DHX33: variants seen among roughly 807,000 people sequenced by gnomAD.
DHX33 encodes the protein DEAH-box helicase 33.
DHX33 carries 42 observed loss-of-function variants against 72.5 expected under a neutral mutation model. That is an observed-to-expected ratio of 0.58 (90% CI 0.45 to 0.75). The LOEUF (loss-of-function observed/expected upper bound fraction) is 0.75, where lower values mean the gene tolerates loss of function less well. Among genes scored for constraint, DHX33 ranks in the 30% least tolerant of loss-of-function variants. The probability of loss-of-function intolerance (pLI) is 0.00; values close to 1 mark genes in which losing one functional copy is unlikely to be tolerated. For synonymous variants in DHX33, 358 were observed against 366.1 expected (o/e 0.98, Z 0.25); for missense variants, 842 against 917.5 (o/e 0.92, Z 1.06).
intron 1 of DHX33, among the ~76,000 whole-genome samples, 173 bp downstream of exon 1, chr17:5,468,398 C>A (rs1376302132): frequency 6.6e-6 from 1 of 152,236 alleles, no homozygotes; most frequent in Non-Finnish European, 1.5e-5. Context: ...CCAGCGCCTC[C>A]AGGGCAGGGC....
chr17:5,455,479 A>G lies in DHX33; in HGVS notation c.1036-208T>C, dbSNP rs561802749. 4.6e-5 allele frequency among the ~76,000 whole-genome samples: 7 copies of G among 152,302 alleles called. 1 individual carries two copies. In the South Asian group the frequency reaches 1.5e-3, roughly 32 times the overall value. ...CAGTCTTAAAGGTCAATTTGAGGCA[A>G]TGAGATGCAGTGGAACAAGCACAGG... On this transcript the variant is annotated intron_variant, in intron 5 of 11. Transcript: ENST00000225296.
At position 5,468,853 on chromosome 17, in the gene DHX33, C is replaced by T. The variant is rs2151694965; in HGVS notation, c.7G>A (p.Glu3Lys). MP[E>K]EAGFPPAKRF... Reference sequence around the variant, plus strand: ...TTGGCCGGCGGGAAGCCCGCCTCCTCCGGCATGTCGGGAGGGCACCGCGGC... The same window carrying T: ...TTGGCCGGCGGGAAGCCCGCCTCCTTCGGCATGTCGGGAGGGCACCGCGGC... Residue 3 changes from glutamate to lysine, a missense_variant, in exon 1 of 12, where the codon GAG becomes AAG. By Grantham distance (56) the Glu-to-Lys change is moderately conservative. Transcript: ENST00000225296. The T allele has an allele frequency of 3.2e-6, 5 of 1,555,478 alleles. No homozygotes were observed. Among genetic ancestry groups the T allele is most frequent in the Non-Finnish European group, 4.3e-6 (5 of 1,150,226 alleles).
In DHX33 at chr17:5,455,143, G is replaced by A; in HGVS notation, c.1147+17C>T. 1.9e-6 allele frequency: 3 copies of A among 1,598,306 alleles called. No individual in the cohort carries two copies. Among genetic ancestry groups the A allele is most frequent in the Non-Finnish European group, 1.7e-6 (2 of 1,165,662 alleles). Reference sequence around the variant, plus strand: ...CACTAGACACAGGAGAGACATTCATGAACTACAAATTCTCACCAGGGTTAT... The same window carrying A: ...CACTAGACACAGGAGAGACATTCATAAACTACAAATTCTCACCAGGGTTAT... On this transcript the variant is annotated intron_variant, in intron 6 of 11. Transcript: ENST00000225296.
At chr17:5,455,879 G>A in intron 5 of DHX33, 118 bp downstream of exon 5, 1 of 1,115,912 alleles carries the variant, frequency 9.0e-7, no homozygotes. Flanking sequence ...CGCTGATCTG[G>A]CACCTGGGTA....
Position 5,462,564 on chromosome 17 carries a change from T to G in DHX33, c.451-18A>C, listed in dbSNP as rs1401826211. The G allele has an allele frequency of 6.3e-7, 1 of 1,593,962 alleles. No homozygotes were observed. The highest frequency in any genetic ancestry group is 8.6e-7 in the Non-Finnish European group (1 of 1,162,878). ...TAGCCAACCTGTGCAGGGAAACAAT[T>G]TATTCAGTCACCAAACATTTCTTGA... On this transcript the variant is annotated intron_variant, in intron 2 of 11. Coordinates refer to ENST00000225296, the MANE Select transcript of DHX33 (RefSeq NM_020162.4).
In DHX33 at chr17:5,461,127, G is replaced by A. The variant is rs1174424937; in HGVS notation, c.679-18C>T. 1 of 1,593,168 alleles carries A rather than the reference G, an allele frequency of 6.3e-7. No homozygotes were observed. On this transcript the variant is annotated intron_variant, in intron 3 of 11. Transcript: ENST00000225296. ...ACAATCACCTGCATAAGAGAACGAA[G>A]AGGAGGACCAGAAACAAATAGTGGG... is the stretch of plus-strand genomic sequence containing the variant.
chr17:5,446,047 C>T (rs1456704409), intron 11 of DHX33, among the ~76,000 whole-genome samples: 3 of 152,136 alleles, frequency 2.0e-5, no homozygotes, highest in Non-Finnish European at 2.9e-5. Context: ...AATCCCAGCT[C>T]GCTGGCAACC....
At chr17:5,462,651 C>T in intron 2 of DHX33, 105 bp from the exon 3 acceptor site, 1 of 746,414 alleles carries the variant, frequency 1.3e-6, no homozygotes, top group Non-Finnish European at 2.3e-6. Context: ...AAGACCAACA[C>T]CAACGCTTCC....
At chr17:5,467,000 T>C (rs1203286549) in intron 1 of DHX33, among the ~76,000 whole-genome samples, 1 of 152,234 alleles carries the variant, frequency 6.6e-6, no homozygotes, top group Non-Finnish European at 1.5e-5. Flanking sequence ...AAAGGTTAAA[T>C]AATTGTTTTG....
chr17:5,460,957 G>T lies in DHX33; in HGVS notation c.831C>A (p.Ser277=). ...ACCATACCTGGTGGATCTGGAAGAC[G>T]GAGACAAGCGCGGCGTGCAGGTAAT... ...QNDYLHAALV[S]VFQIHQEAPS... Residue 277 remains serine (S), a synonymous_variant, in exon 4 of 12, where the codon TCC becomes TCA. Coordinates refer to ENST00000225296, the MANE Select transcript of DHX33 (RefSeq NM_020162.4). 6.2e-7 allele frequency: 1 copy of T among 1,612,956 alleles called. No homozygotes were observed. The highest frequency in any genetic ancestry group is 2.2e-5 in the East Asian group (1 of 44,834).
intron 3 of DHX33, 73 bp downstream of exon 3, chr17:5,462,246 G>A: frequency 6.9e-7 from 1 of 1,453,116 alleles, no homozygotes; most frequent in East Asian, 2.3e-5. Flanking sequence ...AGCCAGGCCT[G>A]TTTCCTTCTG....
rs770284785 is a variant in DHX33, at chr17:5,450,944, CAG to C, written c.1397-12_1397-11del. On this transcript the variant is annotated splice_polypyrimidine_tract_variant and intron_variant, in intron 8 of 11. Coordinates refer to ENST00000225296, the MANE Select transcript of DHX33 (RefSeq NM_020162.4). The stretch of plus-strand genomic sequence containing the variant: ...GCCGCCTGAATGTGATCTAAAGAAA[CAG>C]AGACATAAAAAGGAGCCAAAAGTCC... The C allele has an allele frequency of 8.1e-6, 13 of 1,610,474 alleles. No homozygotes were observed. The highest frequency in any genetic ancestry group is 6.8e-5 in the Admixed American group (4 of 59,052).
chr17:5,455,043 T>A, intron 6 of DHX33, 117 bp downstream of exon 6: 1 of 919,330 alleles, frequency 1.1e-6, no homozygotes, highest in Non-Finnish European at 1.7e-6. Context: ...TCATGGCGCC[T>A]GCCACCTGAA....
chr17:5,468,775 C>G lies in DHX33; in HGVS notation c.85G>C (p.Gly29Arg). The change falls in exon 1 of 12, where the codon GGG becomes CGG. Residue 29 changes from glycine (G) to arginine (R), a missense_variant. Physicochemically the swap from Gly to Arg is moderately radical, Grantham distance 125 (BLOSUM62 -2). Coordinates refer to ENST00000225296, the MANE Select transcript of DHX33 (RefSeq NM_020162.4). ...PPSRAGSFPP[G>R]RQVVMLLTAG... ...GTCAGCAGCATCACCACTTGCCTCCCGGGAGGGAAGGACCCAGCGCGGCTC... is the reference window on the plus strand; with the variant it reads ...GTCAGCAGCATCACCACTTGCCTCCGGGGAGGGAAGGACCCAGCGCGGCTC... 6.2e-7 allele frequency: 1 copy of G among 1,609,112 alleles called. No homozygotes were observed. Among genetic ancestry groups the G allele is most frequent in the Non-Finnish European group, 8.5e-7 (1 of 1,178,080 alleles).
Position 5,450,193 on chromosome 17 carries a change from C to G in DHX33, c.1728+10G>C. On this transcript the variant is annotated intron_variant, in intron 10 of 11. Transcript: ENST00000225296. ...CTATCGCTGGAGAACAGGTGCAAGA[C>G]AAGGCTCACCTTATTTCCGCCTAGG... 6.2e-7 allele frequency: 1 copy of G among 1,614,078 alleles called. No individual in the cohort carries two copies. The highest frequency in any genetic ancestry group is 8.5e-7 in the Non-Finnish European group (1 of 1,180,012).
At chr17:5,459,466 GCT>G (rs1346990249) in intron 4 of DHX33, among the ~76,000 whole-genome samples, 1 of 151,896 alleles carries the variant, frequency 6.6e-6, no homozygotes, top group African/African-American at 2.4e-5. Context: ...ATAGGATCTT[GCT>G]CTGTTTCCCG....
chr17:5,450,327 A>G lies in DHX33; in HGVS notation c.1604T>C (p.Leu535Pro). ...IVSLLSVDSVLHNPPSRREEV... is the reference protein window; with the variant it reads ...IVSLLSVDSVPHNPPSRREEV... The stretch of plus-strand genomic sequence containing the variant: ...CTCTCGCCGGGAAGGAGGGTTGTGG[A>G]GGACGCTGTCCACAGACAGCAGGGA... The change falls in exon 10 of 12, where the codon CTC becomes CCC. Residue 535 changes from leucine to proline, a missense_variant. Leu to Pro is a moderately conservative substitution (Grantham distance 98). Transcript: ENST00000225296. 3 of 1,614,172 alleles carry G rather than the reference A, an allele frequency of 1.9e-6. No individual in the cohort carries two copies. Among genetic ancestry groups the G allele is most frequent in the Non-Finnish European group, 2.5e-6 (3 of 1,180,034 alleles).
chr17:5,461,276 G>A (rs1904593803), intron 3 of DHX33, 167 bp from the exon 4 acceptor site: 2 of 539,778 alleles, frequency 3.7e-6, no homozygotes, highest in Non-Finnish European at 6.1e-6. Flanking sequence ...CCCTGCTAGA[G>A]CACACAGGTC....
chr17:5,468,222 C>G (rs1342294904), intron 1 of DHX33, among the ~76,000 whole-genome samples: 2 of 152,212 alleles, frequency 1.3e-5, no homozygotes, highest in African/African-American at 2.4e-5. Context: ...GGGCTTTCCC[C>G]CCTGCCTAGA....
Sources: allele counts gnomAD v4.1 joint callset (sites outside exome capture counted in the v4.1 genomes callset), GRCh38; gene constraint gnomAD v4.1.1; transcripts MANE v1.5; gene names NCBI Gene and HGNC (gene_info 2026-07-23, HGNC 2026-07-21).